SCARA3: variants seen among roughly 807,000 people sequenced by gnomAD.
The protein encoded by SCARA3 is cellular stress response gene protein.
Under a neutral mutation model 47.0 loss-of-function variants are expected in SCARA3, and 39 were observed. The ratio of observed to expected loss-of-function variants is 0.83; its 90% confidence interval spans 0.64 to 1.08. The LOEUF (loss-of-function observed/expected upper bound fraction) is 1.08, where lower values mean the gene tolerates loss of function less well. Among genes scored for constraint, SCARA3 ranks in the 50% least tolerant of loss-of-function variants. The probability of loss-of-function intolerance (pLI) is 0.00; values close to 1 mark genes in which losing one functional copy is unlikely to be tolerated. For synonymous variants in SCARA3, 356 were observed against 334.1 expected (o/e 1.07, Z -0.71); for missense variants, 724 against 792.3 (o/e 0.91, Z 1.04).
chr8:27,686,445 TA>T, the SCARA3 span, among the ~76,000 whole-genome samples: 317 of 147,080 alleles, frequency 2.2e-3, 4 homozygotes, highest in East Asian at 0.021. Flanking sequence ...CTCTGTCTCT[TA>T]AAAAAAAAAA....
In SCARA3 at chr8:27,671,181, C is replaced by T. The variant is rs35928641; in HGVS notation, c.1651C>T (p.Pro551Ser). Residue 551 changes from proline to serine, a missense_variant, in exon 6 of 6, where the codon CCC (proline) becomes TCC (serine). Pro to Ser is a moderately conservative substitution (Grantham distance 74). Transcript: ENST00000301904. Reference sequence around the variant, plus strand: ...CATAGGGCCCCCAGGGCCAGAAGGGCCCCCGGGGTCTCCAGGGCCCTCAGG... The same window carrying T: ...CATAGGGCCCCCAGGGCCAGAAGGGTCCCCGGGGTCTCCAGGGCCCTCAGG... Reference protein sequence around the residue: ...GDIGPPGPEGPPGSPGPSGPQ... With the variant: ...GDIGPPGPEGSPGSPGPSGPQ... 7.1e-4 allele frequency: 1,076 copies of T among 1,516,128 alleles called. 7 individuals carry two copies. The highest frequency in any genetic ancestry group is 5.1e-3 in the South Asian group (400 of 78,802). The allele number at this position is 1,516,128 out of a possible 1,614,324, so 93.9% of individuals were successfully genotyped here.
At chr8:27,678,170 A>G (rs959946836), downstream of SCARA3, among the ~76,000 whole-genome samples, 4 of 152,214 alleles carry the variant, frequency 2.6e-5, no homozygotes, top group African/African-American at 9.6e-5. Context: ...CCCAAAATAA[A>G]CAGAAGAAAA....
chr8:27,655,491 T>TA (rs1201821594), intron 3 of SCARA3, among the ~76,000 whole-genome samples: 1 of 152,118 alleles, frequency 6.6e-6, no homozygotes, highest in African/African-American at 2.4e-5. Flanking sequence ...ATGGCCCCCT[T>TA]AGTAGAGTGC....
chr8:27,724,339 C>A, the SCARA3 span, among the ~76,000 whole-genome samples: 3 of 152,066 alleles, frequency 2.0e-5, no homozygotes, highest in African/African-American at 4.8e-5. Flanking sequence ...AGAATATAGT[C>A]CAGATTAAAG....
downstream of SCARA3, chr8:27,679,775 C>T (rs183634346): frequency 6.6e-6 from 1 of 152,276 alleles, no homozygotes; most frequent in Admixed American, 6.5e-5. Context: ...ACAGTACTCT[C>T]TCTACATGGA....
the SCARA3 span, among the ~76,000 whole-genome samples, chr8:27,721,676 C>T: frequency 7.9e-5 from 12 of 152,208 alleles, no homozygotes; most frequent in African/African-American, 2.6e-4. Context: ...CTGGAACTCA[C>T]CCTTAACTTA....
Position 27,638,944 on chromosome 8 carries a change from C to T in SCARA3, c.7+4737C>T, listed in dbSNP as rs941349862. ...CAGGCTCCTGGTTCTTGCTGGCACC[C>T]GTTCCCTGAACAATCTCTCCCAGCC... On this transcript the variant is annotated intron_variant, in intron 1 of 5. Coordinates refer to ENST00000301904, the MANE Select transcript of SCARA3 (RefSeq NM_016240.3). Among the ~76,000 whole-genome samples the T allele has an allele frequency of 3.8e-4, 58 of 152,280 alleles. 1 individual carries two copies. Among genetic ancestry groups the T allele is most frequent in the East Asian group, 1.9e-4 (1 of 5,164 alleles).
At chr8:27,648,259 A>G (rs974773586) in intron 1 of SCARA3, among the ~76,000 whole-genome samples, 2 of 152,246 alleles carry the variant, frequency 1.3e-5, no homozygotes, top group Admixed American at 1.3e-4. Flanking sequence ...TGTAAAGTTT[A>G]TAAGATGTTG....
chr8:27,714,193 C>CTTTTTTTTTTTTTTT, the SCARA3 span, among the ~76,000 whole-genome samples: 39 of 114,122 alleles, frequency 3.4e-4, no homozygotes, highest in Non-Finnish European at 4.4e-4. Context: ...TCAGGTATTC[C>CTTTTTTTTTTTTTTT]TTTTTTTTTT....
Position 27,658,685 on chromosome 8 carries a change from G to T in SCARA3, c.515G>T (p.Gly172Val). 2.5e-6 allele frequency: 4 copies of T among 1,614,064 alleles called. No individual in the cohort carries two copies. Among genetic ancestry groups the T allele is most frequent in the Non-Finnish European group, 3.4e-6 (4 of 1,179,972 alleles). The change falls in exon 5 of 6, where the codon GGC (glycine) becomes GTC (valine). Residue 172 changes from glycine to valine, a missense_variant. Physicochemically the swap from Gly to Val is moderately radical, Grantham distance 109. Coordinates refer to ENST00000301904, the MANE Select transcript of SCARA3 (RefSeq NM_016240.3). ...TTSRQISQEM[G>V]SCSFSIHQVN... ...AGCAGACAAATCTCCCAGGAGATGG[G>T]CAGTTGCTCCTTCTCCATCCACCAG... is the stretch of plus-strand genomic sequence containing the variant.
chr8:27,713,397 G>A, the SCARA3 span, among the ~76,000 whole-genome samples: 3 of 152,160 alleles, frequency 2.0e-5, no homozygotes, highest in Admixed American at 6.5e-5. Context: ...ACTGCCAGGT[G>A]TTTCCTTTGT....
the SCARA3 span, chr8:27,702,063 C>T: frequency 6.6e-6 from 1 of 152,120 alleles, no homozygotes; most frequent in African/African-American, 2.4e-5. Context: ...ACTTGAAATT[C>T]TCCTTTGGTT....
At chr8:27,714,110 A>C in the SCARA3 span, among the ~76,000 whole-genome samples, 1 of 151,784 alleles carries the variant, frequency 6.6e-6, no homozygotes, top group African/African-American at 2.4e-5. Flanking sequence ...AGGAGATGCC[A>C]GTGCCATGCT....
chr8:27,687,838 G>A, the SCARA3 span, among the ~76,000 whole-genome samples: 42 of 152,216 alleles, frequency 2.8e-4, no homozygotes, highest in Non-Finnish European at 5.6e-4. Flanking sequence ...CTAACATGGC[G>A]AAACCCGTTT....
intron 1 of SCARA3, among the ~76,000 whole-genome samples, chr8:27,648,570 A>C (rs532257689): frequency 8.1e-4 from 124 of 152,196 alleles, no homozygotes; most frequent in South Asian, 2.1e-3. Flanking sequence ...CACCACTGCA[A>C]TCCAGCCTGG....
chr8:27,671,568 A>G lies in SCARA3; in HGVS notation c.*217A>G, dbSNP rs35197879. ...TACATGTGCACATGCACACACATGCATGCACACACATGCACACATACACGC... is the reference window on the plus strand; with the variant it reads ...TACATGTGCACATGCACACACATGCGTGCACACACATGCACACATACACGC... On this transcript the variant is annotated 3_prime_UTR_variant, in exon 6 of 6. Transcript: ENST00000301904. The G allele has an allele frequency of 1.3e-3, 1,642 of 1,263,062 alleles. 25 individuals are homozygous for G. The East Asian group carries it at 0.032, about 24-fold the overall frequency. 78.2% of individuals were successfully genotyped at this position (1,263,062 alleles called of 1,614,324 possible). A position where few individuals can be genotyped will look rare whatever the true frequency, so the allele number is the denominator to read the frequency against.
the SCARA3 span, among the ~76,000 whole-genome samples, chr8:27,693,115 A>C: frequency 7.9e-6 from 1 of 126,148 alleles, no homozygotes; most frequent in Non-Finnish European, 1.7e-5. Context: ...ACAGAGAGAG[A>C]CTCTGTCTCA....
chr8:27,668,745 TG>T (rs1802076738), intron 5 of SCARA3, among the ~76,000 whole-genome samples: 1 of 151,962 alleles, frequency 6.6e-6, no homozygotes, highest in East Asian at 1.9e-4. Flanking sequence ...ATGCGCCTGT[TG>T]GAGGATCATT....
intron 1 of SCARA3, among the ~76,000 whole-genome samples, chr8:27,638,314 T>TTGTGTGTGTGTGTGTG (rs55695492): frequency 2.4e-4 from 35 of 146,732 alleles, no homozygotes; most frequent in East Asian, 1.6e-3. Context: ...AATTTAGTGA[T>TTGTGTGTGTGTGTGTG]TGTGTGTGTG....
Sources: gnomAD v4.1 joint callset for allele counts (sites outside exome capture counted in the v4.1 genomes callset) on GRCh38, gnomAD v4.1.1 for gene constraint, MANE v1.5 for transcripts, NCBI Gene and HGNC (gene_info 2026-07-23, HGNC 2026-07-21) for gene names.